The following GOLGA2 variants were observed in gnomAD, a reference collection of about 807,000 sequenced individuals.
The protein encoded by GOLGA2 is golgin subfamily A member 2.
In GOLGA2, 49 loss-of-function variants were observed where a neutral mutation model predicts 148.8. That is an observed-to-expected ratio of 0.33 (90% CI 0.26 to 0.42). GOLGA2 has a LOEUF of 0.42. Ranked by LOEUF, GOLGA2 falls within the 10% of genes least tolerant of loss-of-function variation. The probability of loss-of-function intolerance (pLI) is 1.00; values close to 1 mark genes in which losing one functional copy is unlikely to be tolerated. For missense variants in GOLGA2, 1,178 were observed against 1,304.6 expected (o/e 0.90, Z 1.49); for synonymous variants, 501 against 511.8 (o/e 0.98, Z 0.28).
rs1228501013 is a variant in GOLGA2, at chr9:128,258,329, A to G, written c.2289+126T>C. 1 of 1,138,756 alleles carries G rather than the reference A, an allele frequency of 8.8e-7. No individual in the cohort carries two copies. Among genetic ancestry groups the G allele is most frequent in the Non-Finnish European group, 1.3e-6 (1 of 771,174 alleles). The allele number at this position is 1,138,756 out of a possible 1,614,324, so 70.5% of individuals were successfully genotyped here. On this transcript the variant is annotated intron_variant, in intron 22 of 26. Transcript: ENST00000611957. This position sits in a 1 kb window ranked among gnomAD's most constrained non-coding sequence, Gnocchi z 6.6. ...GTCCCAAGTGAAATGGTGTCTCACC[A>G]CTGGCTCCCAGGAAAGGGGTGAGGG...
chr9:128,265,930 T>C, intron 10 of GOLGA2, 40 bp downstream of exon 10: 1 of 1,606,848 alleles, frequency 6.2e-7, no homozygotes, highest in African/African-American at 1.3e-5. Flanking sequence ...AAAGAAACAT[T>C]CTCCAGAGGA....
rs373491193 is a variant in GOLGA2 at position 128,257,581 on chromosome 9, A to C, written c.2718+20T>G. On this transcript the variant is annotated intron_variant, in intron 25 of 26. Coordinates refer to ENST00000611957, the MANE Select transcript of GOLGA2 (RefSeq NM_001366244.2). This position sits in a 1 kb window ranked among gnomAD's most constrained non-coding sequence, Gnocchi z 8.0. ...CATGCCCGTGCCCACCTCCACCCCCAGAGATGTTCCACACCCTACCTTCAT... is the reference window on the plus strand; with the variant it reads ...CATGCCCGTGCCCACCTCCACCCCCCGAGATGTTCCACACCCTACCTTCAT... 55 of 1,612,800 alleles carry C rather than the reference A, an allele frequency of 3.4e-5. No homozygotes were observed. In the African/African-American group the frequency reaches 5.9e-4, roughly 17 times the overall value.
Position 128,260,360 on chromosome 9 carries a change from A to G in GOLGA2, c.1758+105T>C. 8.9e-7 allele frequency: 1 copy of G among 1,119,504 alleles called. No individual in the cohort carries two copies. Among genetic ancestry groups the G allele is most frequent in the East Asian group, 2.4e-5 (1 of 42,414 alleles). 69.3% of individuals were successfully genotyped at this position (1,119,504 alleles called of 1,614,324 possible). Reference sequence around the variant, plus strand: ...GGCTCTGGCTCACAGATGCCTCCAGAAGTACCATTTCAAGTGAGGGCTACA... The same window carrying G: ...GGCTCTGGCTCACAGATGCCTCCAGGAGTACCATTTCAAGTGAGGGCTACA... On this transcript the variant is annotated intron_variant, in intron 18 of 26. Coordinates refer to ENST00000611957, the MANE Select transcript of GOLGA2 (RefSeq NM_001366244.2). The surrounding 1 kb of genome is among the most constrained non-coding windows in gnomAD (Gnocchi z 4.8).
chr9:128,257,582 G>C lies in GOLGA2; in HGVS notation c.2718+19C>G. ...ATGCCCGTGCCCACCTCCACCCCCAGAGATGTTCCACACCCTACCTTCATC... is the reference window on the plus strand; with the variant it reads ...ATGCCCGTGCCCACCTCCACCCCCACAGATGTTCCACACCCTACCTTCATC... On this transcript the variant is annotated intron_variant, in intron 25 of 26. Coordinates refer to ENST00000611957, the MANE Select transcript of GOLGA2 (RefSeq NM_001366244.2). The surrounding 1 kb of genome is among the most constrained non-coding windows in gnomAD (Gnocchi z 8.0). 6.2e-7 allele frequency: 1 copy of C among 1,614,046 alleles called. No homozygotes were observed. The highest frequency in any genetic ancestry group is 2.2e-5 in the East Asian group (1 of 44,880).
In GOLGA2 at chr9:128,259,373, C is replaced by G. The variant is rs376648484; in HGVS notation, c.1891G>C (p.Glu631Gln). Residue 631 changes from glutamate (E) to glutamine (Q), a missense_variant, in exon 20 of 27, where the codon GAG (glutamate) becomes CAG (glutamine). By Grantham distance (29) the Glu-to-Gln change is conservative. Around this residue, in one of 5 missense-constraint regions of GOLGA2, gnomAD observed 529 missense variants for 521.8 expected, o/e 1.01. Transcript: ENST00000611957. ...LKETVELKSQEAQSLQQQRDQ... is the reference protein window; with the variant it reads ...LKETVELKSQQAQSLQQQRDQ... ...CGCTGCTGCTGCAGACTTTGAGCCT[C>G]TTGGCTCTTCAGCTCCACCTGTAGG... 55 of 1,588,802 alleles carry G rather than the reference C, an allele frequency of 3.5e-5. No homozygotes were observed. The highest frequency in any genetic ancestry group is 4.5e-5 in the Non-Finnish European group (53 of 1,167,170).
chr9:128,256,774 G>A lies in GOLGA2; in HGVS notation c.*293C>T, dbSNP rs776510818. On this transcript the variant is annotated 3_prime_UTR_variant, in exon 27 of 27. Coordinates refer to ENST00000611957, the MANE Select transcript of GOLGA2 (RefSeq NM_001366244.2). Reference sequence around the variant, plus strand: ...TCCCAAAAGTGCTGGGATTACAGGCGTGAGCCACTGCACCTGGCCTTTTTT... The same window carrying A: ...TCCCAAAAGTGCTGGGATTACAGGCATGAGCCACTGCACCTGGCCTTTTTT... 4 of 206,356 alleles carry A rather than the reference G, an allele frequency of 1.9e-5. No individual in the cohort carries two copies. Among genetic ancestry groups the A allele is most frequent in the Middle Eastern group, 1.9e-3 (1 of 534 alleles). The allele number at this position is 206,356 out of a possible 1,614,324, so 12.8% of individuals were successfully genotyped here. A position where few individuals can be genotyped will look rare whatever the true frequency, so the allele number is the denominator to read the frequency against.
rs762411077 is a variant in GOLGA2 at position 128,266,338 on chromosome 9, G to A, written c.643-13C>T. On this transcript the variant is annotated splice_polypyrimidine_tract_variant and intron_variant, in intron 8 of 26. Transcript: ENST00000611957. This position sits in a 1 kb window ranked among gnomAD's most constrained non-coding sequence, Gnocchi z 4.2. ...GGTTCTGTTGTTTCTGTGGGGAAGA[G>A]TCAAAGGAAGGTGACTGAGGGTGGC... is the stretch of plus-strand genomic sequence containing the variant. The A allele has an allele frequency of 1.9e-6, 3 of 1,611,548 alleles. No individual in the cohort carries two copies. Among genetic ancestry groups the A allele is most frequent in the East Asian group, 2.2e-5 (1 of 44,884 alleles).
intron 13 of GOLGA2, 144 bp from the exon 14 acceptor site, chr9:128,262,848 G>C: frequency 1.2e-6 from 1 of 860,104 alleles, no homozygotes; most frequent in Non-Finnish European, 1.9e-6. Flanking sequence ...GTACAGGCCA[G>C]AGAAAAGATA....
In GOLGA2 at chr9:128,260,591, C is replaced by G. The variant is rs926741935; in HGVS notation, c.1632G>C (p.Gln544His). The change falls in exon 18 of 27, where the codon CAG (glutamine) becomes CAC (histidine). Residue 544 changes from glutamine to histidine, a missense_variant. Gln to His is a conservative substitution (Grantham distance 24). Transcript: ENST00000611957. The surrounding 1 kb of genome is among the most constrained non-coding windows in gnomAD (Gnocchi z 4.8). ...LERAAELWGEQAEARRQILET... is the reference protein window; with the variant it reads ...LERAAELWGEHAEARRQILET... The stretch of plus-strand genomic sequence containing the variant: ...CCAGGATTTGCCTGCGCGCCTCCGC[C>G]TGCTCCCCCCAGAGCTCGGCCGCCC... The G allele has an allele frequency of 1.2e-6, 2 of 1,611,690 alleles. No individual in the cohort carries two copies. The highest frequency in any genetic ancestry group is 1.7e-6 in the Non-Finnish European group (2 of 1,179,992).
At position 128,261,413 on chromosome 9, in the gene GOLGA2, C is replaced by T; in HGVS notation, c.1332+41G>A. On this transcript the variant is annotated intron_variant, in intron 16 of 26. Transcript: ENST00000611957. This position sits in a 1 kb window ranked among gnomAD's most constrained non-coding sequence, Gnocchi z 5.7. ...GCAGATGCCCAGAAAGATCAAGTGA[C>T]CTATCTAAGGTTGAGGGGGAGCTGA... is the stretch of plus-strand genomic sequence containing the variant. The T allele has an allele frequency of 3.1e-6, 4 of 1,276,658 alleles. No individual in the cohort carries two copies. Among genetic ancestry groups the T allele is most frequent in the Non-Finnish European group, 4.6e-6 (4 of 871,978 alleles). The allele number at this position is 1,276,658 out of a possible 1,614,324, so 79.1% of individuals were successfully genotyped here.
chr9:128,267,382 C>T, intron 7 of GOLGA2, 76 bp downstream of exon 7: 1 of 1,465,316 alleles, frequency 6.8e-7, no homozygotes, highest in Non-Finnish European at 9.6e-7. Context: ...GGCAGAGGGG[C>T]ACCCAGCCCC....
intron 12 of GOLGA2, among the ~76,000 whole-genome samples, chr9:128,264,957 T>G (rs1039289091): frequency 3.9e-5 from 6 of 152,264 alleles, no homozygotes; most frequent in African/African-American, 1.2e-4. Flanking sequence ...TTGCCTAAGA[T>G]CACTTAGACA....
chr9:128,257,223 C>T lies in GOLGA2; in HGVS notation c.2934G>A (p.Glu978=). 6.2e-7 allele frequency: 1 copy of T among 1,613,874 alleles called. No individual in the cohort carries two copies. Among genetic ancestry groups the T allele is most frequent in the Non-Finnish European group, 8.5e-7 (1 of 1,180,014 alleles). The change falls in exon 27 of 27, where the codon GAG becomes GAA. Residue 978 remains glutamate, a synonymous_variant. Coordinates refer to ENST00000611957, the MANE Select transcript of GOLGA2 (RefSeq NM_001366244.2). This position sits in a 1 kb window ranked among gnomAD's most constrained non-coding sequence, Gnocchi z 8.0. ...SVEPAQGEAR[E]GSPRDNPTAQ... ...CAGTGGGGTTGTCACGGGGAGAACC[C>T]TCCCTGGCCTCTCCTTGGGCAGGCT...
Position 128,257,988 on chromosome 9 carries a change from T to C in GOLGA2, c.2500A>G (p.Lys834Glu). The change falls in exon 23 of 27, where the codon AAG (lysine) becomes GAG (glutamate). Residue 834 changes from lysine to glutamate, a missense_variant. By Grantham distance (56) the Lys-to-Glu change is moderately conservative. Around this residue, in one of 5 missense-constraint regions of GOLGA2, gnomAD observed 529 missense variants for 521.8 expected, o/e 1.01. Transcript: ENST00000611957. This position sits in a 1 kb window ranked among gnomAD's most constrained non-coding sequence, Gnocchi z 8.0. ...THRALQGAME[K>E]LQSRFMELMQ... ...AGGAGAGACTCATTCACCTGCAGCT[T>C]CTCCATGGCCCCCTGCAGGGCCCGG... The C allele has an allele frequency of 6.2e-7, 1 of 1,605,340 alleles. No individual in the cohort carries two copies. The highest frequency in any genetic ancestry group is 8.5e-7 in the Non-Finnish European group (1 of 1,174,078).
chr9:128,268,522 T>C lies in GOLGA2; in HGVS notation c.291A>G (p.Thr97=). The C allele has an allele frequency of 6.3e-7, 1 of 1,593,518 alleles. No homozygotes were observed. The highest frequency in any genetic ancestry group is 1.1e-5 in the South Asian group (1 of 90,610). Residue 97 remains threonine, a splice_region_variant and synonymous_variant, in exon 4 of 27, where the codon ACA becomes ACG. Coordinates refer to ENST00000611957, the MANE Select transcript of GOLGA2 (RefSeq NM_001366244.2). ...GTAGAGTAGCAGCATTGTCCTTGGG[T>C]GTCTGTCACAGAACAGAGCAGGGGG... ...VALPPLDKWK[T]PKDNAATLQP...
Position 128,256,713 on chromosome 9 carries a change from G to C in GOLGA2, c.*354C>G, listed in dbSNP as rs1829885971. The stretch of plus-strand genomic sequence containing the variant: ...TTTAGTAGAGACACAGTTTCACCAT[G>C]TTGACCAGGCTGGTCTTGAACTCCC... On this transcript the variant is annotated 3_prime_UTR_variant, in exon 27 of 27. Transcript: ENST00000611957. The C allele has an allele frequency of 6.2e-6, 1 of 160,924 alleles. No individual in the cohort carries two copies. The allele number at this position is 160,924 out of a possible 1,614,324, so 10.0% of individuals were successfully genotyped here.
Position 128,266,299 on chromosome 9 carries a change from A to T in GOLGA2, c.669T>A (p.Asp223Glu), listed in dbSNP as rs770119465. The change falls in exon 9 of 27, where the codon GAT (aspartate) becomes GAA (glutamate). Residue 223 changes from aspartate (D) to glutamate (E), a missense_variant. By Grantham distance (45) the Asp-to-Glu change is conservative. Coordinates refer to ENST00000611957, the MANE Select transcript of GOLGA2 (RefSeq NM_001366244.2). The surrounding 1 kb of genome is among the most constrained non-coding windows in gnomAD (Gnocchi z 4.2). ...GAAATCACGTTACTTCTTCCAACTG[A>T]TCCGTAATTTCTTGGTTCTGTTGTT... ...KLKQQNQEIT[D>E]QLEEEKKECH... is the part of the protein sequence containing the mutation. 1.9e-6 allele frequency: 3 copies of T among 1,613,264 alleles called. No individual in the cohort carries two copies. The highest frequency in any genetic ancestry group is 2.5e-6 in the Non-Finnish European group (3 of 1,179,406).
At chr9:128,275,557 G>A in intron 1 of GOLGA2, 1 of 1,228,380 alleles carries the variant, frequency 8.1e-7, no homozygotes, top group Non-Finnish European at 1.1e-6. Flanking sequence ...CACTGGCGAG[G>A]GCAGGGGCTG....
chr9:128,270,129 A>ATTT (rs776425049), intron 3 of GOLGA2, among the ~76,000 whole-genome samples: 9,061 of 114,968 alleles, frequency 0.079, 590 homozygotes, highest in East Asian at 0.24. Flanking sequence ...GAGGAAGGGA[A>ATTT]TTTTTTTTTT....
Sources: gnomAD v4.1 joint callset for allele counts (sites outside exome capture counted in the v4.1 genomes callset) on GRCh38, gnomAD v4.1.1 for gene constraint, gnomAD v4.1.1 regional missense constraint, Gnocchi (gnomAD v3.1) non-coding constraint, MANE v1.5 for transcripts, NCBI Gene and HGNC (gene_info 2026-07-23, HGNC 2026-07-21) for gene names.